The following STAG1 variants were observed in gnomAD, a reference collection of about 807,000 sequenced individuals.
The protein encoded by STAG1 is STAG1 cohesin complex component.
Under a neutral mutation model 170.9 loss-of-function variants are expected in STAG1, and 26 were observed. The ratio of observed to expected loss-of-function variants is 0.15; its 90% CI spans 0.11 to 0.21. STAG1 has a LOEUF of 0.21. Ranked by LOEUF, STAG1 falls within the 10% of genes least tolerant of loss-of-function variation. The pLI is 1.00. For missense variants in STAG1, 964 were observed against 1,509.5 expected (o/e 0.64, Z 5.99); for synonymous variants, 514 against 497.7 (o/e 1.03, Z -0.44).
At chr3:136,459,726 A>C (rs2089222198) in intron 13 of STAG1, among the ~76,000 whole-genome samples, 1 of 152,198 alleles carries the variant, frequency 6.6e-6, no homozygotes, top group Non-Finnish European at 1.5e-5. Flanking sequence ...GAAATTGTTC[A>C]AGTTCATGTA....
At chr3:136,496,257 G>T (rs1308432485) in intron 9 of STAG1, among the ~76,000 whole-genome samples, 1 of 152,096 alleles carries the variant, frequency 6.6e-6, no homozygotes, top group African/African-American at 2.4e-5. Flanking sequence ...AGAGAGAGAA[G>T]ACTTGAACAA....
chr3:136,551,210 AG>A (rs1936373998), intron 5 of STAG1, among the ~76,000 whole-genome samples: 1 of 24,134 alleles, frequency 4.1e-5, no homozygotes, highest in African/African-American at 1.5e-4. Context: ...AGAGAGAGTG[AG>A]AGAGAGAGAG....
At chr3:136,648,701 T>TC (rs1941115551) in intron 1 of STAG1, among the ~76,000 whole-genome samples, 1 of 152,258 alleles carries the variant, frequency 6.6e-6, no homozygotes, top group South Asian at 2.1e-4. Flanking sequence ...TACCTACCCT[T>TC]CTTCCCCTTC....
rs67810422 is a variant in STAG1 at position 136,633,962 on chromosome 3, T to TAAAAAAAAAAAAAAAAAAA, written c.-83-3000_-83-2982dup. Among the ~76,000 whole-genome samples the TAAAAAAAAAAAAAAAAAAA allele has an allele frequency of 3.4e-4, 17 of 50,356 alleles. 3 individuals carry two copies. Among genetic ancestry groups the TAAAAAAAAAAAAAAAAAAA allele is most frequent in the South Asian group, 2.6e-3 (2 of 778 alleles). 33.0% of individuals were successfully genotyped at this position (50,356 alleles called of 152,430 possible). A position where few individuals can be genotyped will look rare whatever the true frequency, so the allele number is the denominator to read the frequency against. On this transcript the variant is annotated intron_variant, in intron 1 of 33. Coordinates refer to ENST00000383202, the MANE Select transcript of STAG1 (RefSeq NM_005862.3). Reference sequence around the variant, plus strand: ...AACATGGTGAAACCCTGTCTCTACTTAAAAAAAAAAAAAAAAAAAAAAAAA... The same window carrying TAAAAAAAAAAAAAAAAAAA: ...AACATGGTGAAACCCTGTCTCTACTTAAAAAAAAAAAAAAAAAAAAAAAAAAAAAAAAAAAAAAAAAAAA...
At chr3:136,527,055 C>G (rs112273692) in intron 6 of STAG1, among the ~76,000 whole-genome samples, 8 of 152,300 alleles carry the variant, frequency 5.3e-5, no homozygotes, top group African/African-American at 1.4e-4. Context: ...TTCGGTGAAT[C>G]TGACAATTAT....
At chr3:136,661,320 T>C (rs1941570755) in intron 1 of STAG1, among the ~76,000 whole-genome samples, 1 of 152,172 alleles carries the variant, frequency 6.6e-6, no homozygotes, top group South Asian at 2.1e-4. Flanking sequence ...TTTATAAAGG[T>C]TGAACATTCC....
intron 9 of STAG1, among the ~76,000 whole-genome samples, chr3:136,495,527 G>A (rs1933031317): frequency 6.6e-6 from 1 of 152,202 alleles, no homozygotes; most frequent in Admixed American, 6.5e-5. Flanking sequence ...CTTATATCAA[G>A]AATATCAGCC....
chr3:136,699,432 C>T (rs34421305), intron 1 of STAG1, among the ~76,000 whole-genome samples: 9,104 of 152,086 alleles, frequency 0.06, 378 homozygotes, highest in Middle Eastern at 0.12. Flanking sequence ...GCTCTGTCAC[C>T]CAGGCTGGAA....
intron 14 of STAG1, among the ~76,000 whole-genome samples, chr3:136,448,592 T>C (rs2088851259): frequency 6.6e-6 from 1 of 152,112 alleles, no homozygotes; most frequent in Non-Finnish European, 1.5e-5. Context: ...CAATTCAAGA[T>C]GGGATGTGGG....
intron 1 of STAG1, among the ~76,000 whole-genome samples, chr3:136,669,855 A>G (rs1030590906): frequency 4.6e-5 from 7 of 152,264 alleles, no homozygotes; most frequent in African/African-American, 1.7e-4. Flanking sequence ...TTTACAAGGT[A>G]TAACATTTAC....
intron 9 of STAG1, among the ~76,000 whole-genome samples, chr3:136,493,220 G>A (rs981942638): frequency 6.6e-6 from 1 of 152,116 alleles, no homozygotes; most frequent in African/African-American, 2.4e-5. Context: ...GTGTGTGCCT[G>A]TAGTCCCAGC....
intron 1 of STAG1, among the ~76,000 whole-genome samples, chr3:136,643,240 CA>C (rs1162892727): frequency 6.6e-6 from 1 of 152,148 alleles, no homozygotes; most frequent in African/African-American, 2.4e-5. Context: ...GTTTACGAAG[CA>C]ACTCCTCTAT....
intron 4 of STAG1, among the ~76,000 whole-genome samples, chr3:136,572,347 A>C (rs998700246): frequency 1.3e-5 from 2 of 152,072 alleles, no homozygotes; most frequent in Non-Finnish European, 2.9e-5. Flanking sequence ...TAAACCCTGC[A>C]CTTTCATAGG....
At chr3:136,655,788 C>G (rs1374850520) in intron 1 of STAG1, among the ~76,000 whole-genome samples, 1 of 150,286 alleles carries the variant, frequency 6.7e-6, no homozygotes, top group African/African-American at 2.4e-5. Flanking sequence ...CAGAAAGTAA[C>G]AAGTAGAGAA....
At chr3:136,680,305 G>A (rs1437760627) in intron 1 of STAG1, among the ~76,000 whole-genome samples, 1 of 152,064 alleles carries the variant, frequency 6.6e-6, no homozygotes, top group East Asian at 1.9e-4. Context: ...CCTTAGGTGG[G>A]GGAATTCCCT....
chr3:136,514,115 T>C (rs1408962500), intron 7 of STAG1, among the ~76,000 whole-genome samples: 4 of 152,360 alleles, frequency 2.6e-5, no homozygotes, highest in African/African-American at 9.6e-5. Flanking sequence ...AAGTAGTATA[T>C]GTAATTTTAT....
At chr3:136,677,048 AGAATATCT>A (rs1942148321) in intron 1 of STAG1, among the ~76,000 whole-genome samples, 2 of 152,110 alleles carry the variant, frequency 1.3e-5, no homozygotes, top group Non-Finnish European at 2.9e-5. Context: ...CCTTCCCTCT[AGAATATCT>A]CCTTAAAGAC....
chr3:136,569,251 G>C (rs1016837471), intron 4 of STAG1, among the ~76,000 whole-genome samples: 3 of 151,810 alleles, frequency 2.0e-5, no homozygotes, highest in African/African-American at 7.2e-5. Flanking sequence ...TGCATAAAAA[G>C]AATGCAAATA....
At chr3:136,749,256 G>A (rs1261357182) in intron 1 of STAG1, among the ~76,000 whole-genome samples, 1 of 152,228 alleles carries the variant, frequency 6.6e-6, no homozygotes, top group East Asian at 1.9e-4. Context: ...CTTAAAGGGG[G>A]GAGTCAGAGG....
Sources: allele counts gnomAD v4.1 joint callset (sites outside exome capture counted in the v4.1 genomes callset), GRCh38; gene constraint gnomAD v4.1.1; transcripts MANE v1.5; gene names NCBI Gene and HGNC (gene_info 2026-07-23, HGNC 2026-07-21).